Variants in PUDP observed in about 807,000 individuals in gnomAD.
PUDP encodes pseudouridine 5'-phosphatase, also known as pseudouridine-5'-phosphatase.
A neutral mutation model predicts 9.4 loss-of-function variants in PUDP; 8 were observed. The ratio of observed to expected loss-of-function variants is 0.85; its 90% CI spans 0.50 to 1.53. The LOEUF is 1.53. PUDP is among the 40% of genes most tolerant of loss of function. The probability of loss-of-function intolerance (pLI) is 0.00; values close to 1 mark genes in which losing one functional copy is unlikely to be tolerated. For synonymous variants in PUDP, 99 were observed against 80.7 expected (o/e 1.23, Z -1.22); for missense variants, 188 against 189.7 (o/e 0.99, Z 0.05).
chrX:6,909,553 T>C (rs1927818509), intron 3 of PUDP, among the ~76,000 whole-genome samples: 1 of 112,182 alleles, frequency 8.9e-6, no homozygotes, highest in Admixed American at 9.5e-5. Flanking sequence ...CACATAGCCA[T>C]GCCCATTCCT....
intron 3 of PUDP, among the ~76,000 whole-genome samples, chrX:6,868,613 GTCTTT>G (rs1297104892): frequency 1.8e-5 from 2 of 112,298 alleles, no homozygotes; most frequent in African/African-American, 6.5e-5. Flanking sequence ...CTATACAAAT[GTCTTT>G]TCTTAAGCTT....
intron 3 of PUDP, among the ~76,000 whole-genome samples, chrX:6,823,205 T>C (rs1187925287): frequency 9.0e-6 from 1 of 111,065 alleles, no homozygotes; most frequent in Admixed American, 9.6e-5. Flanking sequence ...AAACTGTCTA[T>C]GTAGTGGGTG....
chrX:6,953,299 A>G (rs1251877627), intron 3 of PUDP, among the ~76,000 whole-genome samples: 1 of 111,231 alleles, frequency 9.0e-6, no homozygotes, highest in Non-Finnish European at 1.9e-5. Context: ...TTTCGTCTAG[A>G]AAAAAAATTA....
At chrX:6,918,342 C>T (rs4128258) in intron 3 of PUDP, among the ~76,000 whole-genome samples, 23,232 of 111,723 alleles carry the variant, frequency 0.21, 1,912 homozygotes, top group Admixed American at 0.35. Flanking sequence ...CTCAGAGAAA[C>T]GAAATTCAAT....
chrX:7,130,768 C>T (rs1326549297), intron 1 of PUDP, among the ~76,000 whole-genome samples: 1 of 111,749 alleles, frequency 8.9e-6, no homozygotes, highest in African/African-American at 3.3e-5. Context: ...CACCAGTAGT[C>T]CCAGCTACTT....
At chrX:6,962,522 G>A (rs758398667) in intron 3 of PUDP, among the ~76,000 whole-genome samples, 112 of 111,927 alleles carry the variant, frequency 1.0e-3, no homozygotes, top group African/African-American at 3.2e-3. Flanking sequence ...ACTTTGGAAA[G>A]GTCTTATTTT....
intron 1 of PUDP, among the ~76,000 whole-genome samples, chrX:7,029,702 T>C (rs1482792019): frequency 1.8e-5 from 2 of 112,113 alleles, no homozygotes; most frequent in Non-Finnish European, 3.8e-5. Context: ...GGCCACCTTC[T>C]GGGGATAACC....
At chrX:6,804,466 G>A (rs1024961187) in intron 3 of PUDP, among the ~76,000 whole-genome samples, 10 of 111,799 alleles carry the variant, frequency 8.9e-5, no homozygotes, top group Non-Finnish European at 1.5e-4. Flanking sequence ...CAAATTTATA[G>A]TGTCTATTGA....
At chrX:6,969,038 C>A (rs1376225983) in intron 3 of PUDP, among the ~76,000 whole-genome samples, 1 of 112,332 alleles carries the variant, frequency 8.9e-6, no homozygotes, top group Non-Finnish European at 1.9e-5. Context: ...ACCAGCAGCT[C>A]CCCCTGTGCA....
rs764616804 is a variant in PUDP, at chrX:6,924,004, G to A, written c.*247+53129C>T. On this transcript the variant is annotated intron_variant and NMD_transcript_variant, in intron 3 of 3. Coordinates refer to the PUDP transcript ENST00000655425. ...ACCTTCTCTTGCTGCTGGCTGAGAT[G>A]TTATCCTGATAACATCCACCTGACT... is the stretch of plus-strand genomic sequence containing the variant. 9.2e-4 allele frequency among the ~76,000 whole-genome samples: 102 copies of A among 110,910 alleles called. 1 individual carries two copies. The highest frequency in any genetic ancestry group is 2.9e-3 in the African/African-American group (89 of 30,508).
At chrX:7,039,610 A>G (rs916602663) in intron 1 of PUDP, among the ~76,000 whole-genome samples, 6 of 111,891 alleles carry the variant, frequency 5.4e-5, no homozygotes, top group African/African-American at 2.0e-4. Context: ...CCCAGGAGAG[A>G]GGCCTCAGGA....
intron 3 of PUDP, among the ~76,000 whole-genome samples, chrX:6,785,006 G>A (rs181289239): frequency 4.6e-4 from 52 of 112,363 alleles, no homozygotes; most frequent in Non-Finnish European, 7.9e-4. Flanking sequence ...CAGTGCAATC[G>A]CTACACAGCA....
chrX:6,852,660 A>G lies in PUDP; in HGVS notation c.*247+124473T>C, dbSNP rs776502527. Among the ~76,000 whole-genome samples, 59 of 112,190 alleles carry G rather than the reference A, an allele frequency of 5.3e-4. 1 individual carries two copies. The highest frequency in any genetic ancestry group is 7.5e-4 in the Non-Finnish European group (40 of 53,225). ...AGAGAAAACAAGAGGTGATTTTTAA[A>G]ATAGACTAATATCTTTAATATTTGT... is the stretch of plus-strand genomic sequence containing the variant. On this transcript the variant is annotated intron_variant and NMD_transcript_variant, in intron 3 of 3. Transcript: ENST00000655425.
intron 1 of PUDP, among the ~76,000 whole-genome samples, chrX:6,982,614 T>C (rs774215131): frequency 8.9e-6 from 1 of 112,132 alleles, no homozygotes; most frequent in Non-Finnish European, 1.9e-5. Context: ...GCAGGAGTAA[T>C]TGGGGAAGTT....
chrX:7,011,115 G>A (rs1254497632), intron 1 of PUDP, among the ~76,000 whole-genome samples: 2 of 112,200 alleles, frequency 1.8e-5, no homozygotes, highest in Non-Finnish European at 3.8e-5. Flanking sequence ...TAACCAAATT[G>A]TAGAGATATT....
intron 3 of PUDP, among the ~76,000 whole-genome samples, chrX:6,893,063 T>C (rs1927539264): frequency 8.9e-6 from 1 of 112,633 alleles, no homozygotes; most frequent in African/African-American, 3.2e-5. Flanking sequence ...TTATAAGGAA[T>C]ACAAAAGTAG....
chrX:6,860,879 A>C (rs1313928893), intron 3 of PUDP, among the ~76,000 whole-genome samples: 1 of 112,634 alleles, frequency 8.9e-6, no homozygotes, highest in Non-Finnish European at 1.9e-5. Flanking sequence ...TAATCATAAT[A>C]GAAGGGTTAA....
chrX:6,887,115 T>C lies in PUDP; in HGVS notation c.*247+90018A>G, dbSNP rs758536413. Among the ~76,000 whole-genome samples the C allele has an allele frequency of 7.6e-5, 7 of 91,551 alleles. No individual in the cohort carries two copies. The South Asian group carries it at 3.8e-3, about 50-fold the overall frequency. 79.5% of individuals were successfully genotyped at this position (91,551 alleles called of 115,157 possible). On this transcript the variant is annotated intron_variant and NMD_transcript_variant, in intron 3 of 3. Transcript: ENST00000655425. The stretch of plus-strand genomic sequence containing the variant: ...ATTATATATAATATATAATATATTA[T>C]ATGATATATAAGTATATTTGATTTA...
At chrX:6,774,209 A>G (rs1408387230) in intron 3 of PUDP, among the ~76,000 whole-genome samples, 1 of 112,039 alleles carries the variant, frequency 8.9e-6, no homozygotes, top group Non-Finnish European at 1.9e-5. Context: ...TCTGCAGGAA[A>G]AGTCACAGAG....
Sources: allele counts gnomAD v4.1 joint callset (sites outside exome capture counted in the v4.1 genomes callset), GRCh38; gene constraint gnomAD v4.1.1; transcripts MANE v1.5; gene names NCBI Gene and HGNC (gene_info 2026-07-23, HGNC 2026-07-21).